NOL10: variants seen among roughly 807,000 people sequenced by gnomAD.
NOL10 encodes the protein nucleolar protein 10.
Under a neutral mutation model 103.5 loss-of-function variants are expected in NOL10, and 58 were observed. That is an observed-to-expected ratio of 0.56 (90% CI 0.45 to 0.70). The LOEUF is 0.70. NOL10 is among the 30% of genes least tolerant of loss of function. The pLI, the probability that NOL10 is intolerant of heterozygous loss-of-function variation, is 0.00. For missense variants in NOL10, 763 were observed against 807.3 expected, an observed-to-expected ratio of 0.95 and a Z score of 0.67; for synonymous variants, 287 against 282.5, an observed-to-expected ratio of 1.02 and a Z score of -0.16.
intron 3 of NOL10, among the ~76,000 whole-genome samples, chr2:10,677,508 T>C (rs1451127667): frequency 6.6e-6 from 1 of 151,188 alleles, no homozygotes; most frequent in Non-Finnish European, 1.5e-5. Context: ...TCTCACTCTG[T>C]CAACCAGGCT....
intron 1 of NOL10, among the ~76,000 whole-genome samples, chr2:10,686,053 C>T (rs1412836220): frequency 2.6e-5 from 4 of 151,312 alleles, no homozygotes; most frequent in Non-Finnish European, 4.4e-5. Context: ...CAGAGTAAAC[C>T]TGTTTCAAAA....
chr2:10,668,951 T>C (rs189524988), intron 6 of NOL10, among the ~76,000 whole-genome samples: 2 of 152,276 alleles, frequency 1.3e-5, no homozygotes, highest in East Asian at 3.9e-4. Flanking sequence ...TTACGTAGAA[T>C]ACTATTTACA....
chr2:10,645,944 T>TACACACACACAC (rs57494359), intron 12 of NOL10, among the ~76,000 whole-genome samples: 317 of 147,678 alleles, frequency 2.1e-3, no homozygotes, highest in African/African-American at 7.3e-3. Flanking sequence ...CACACACACA[T>TACACACACACAC]ACACACACAC....
At chr2:10,586,801 G>T in intron 19 of NOL10, among the ~76,000 whole-genome samples, 1 of 151,482 alleles carries the variant, frequency 6.6e-6, no homozygotes, top group Admixed American at 6.6e-5. Flanking sequence ...CTTTTCTCCA[G>T]CTTATCTTAT....
rs1335240306 is a variant in NOL10 at position 10,689,932 on chromosome 2, C to T, written c.-71G>A. On this transcript the variant is annotated 5_prime_UTR_variant, in exon 1 of 21. Transcript: ENST00000381685. ...GTGCTCGAGCACCGTAATCCCGGGACCTCCGAGCCCCTGCTCCGCGGCGTG... is the reference window on the plus strand; with the variant it reads ...GTGCTCGAGCACCGTAATCCCGGGATCTCCGAGCCCCTGCTCCGCGGCGTG... 12 of 1,414,356 alleles carry T rather than the reference C, an allele frequency of 8.5e-6. No individual in the cohort carries two copies. Among genetic ancestry groups the T allele is most frequent in the South Asian group, 2.5e-5 (2 of 81,068 alleles). 87.6% of individuals were successfully genotyped at this position (1,414,356 alleles called of 1,614,324 possible). A position where few individuals can be genotyped will look rare whatever the true frequency, so the allele number is the denominator to read the frequency against.
intron 6 of NOL10, among the ~76,000 whole-genome samples, chr2:10,669,481 T>TATACAC (rs1229517673): frequency 7.6e-6 from 1 of 132,428 alleles, no homozygotes; most frequent in Non-Finnish European, 1.6e-5. Flanking sequence ...TATATATATA[T>TATACAC]ACACACACAC....
intron 13 of NOL10, among the ~76,000 whole-genome samples, chr2:10,635,164 A>T (rs1678118388): frequency 2.0e-5 from 3 of 152,210 alleles, no homozygotes; most frequent in Admixed American, 2.0e-4. Flanking sequence ...ATACCTTTAA[A>T]CATTTTATAT....
At chr2:10,582,751 C>T (rs10803723) in intron 19 of NOL10, among the ~76,000 whole-genome samples, 90,007 of 152,038 alleles carry the variant, frequency 0.59, 27,666 homozygotes, top group African/African-American at 0.74. Context: ...TACCAGATGC[C>T]ACTTTATCAA....
At chr2:10,606,540 G>A (rs1015050793) in intron 14 of NOL10, among the ~76,000 whole-genome samples, 9 of 150,708 alleles carry the variant, frequency 6.0e-5, no homozygotes, top group East Asian at 1.9e-4. Flanking sequence ...CCTAGGAAGC[G>A]GAGGTTGCAA....
At chr2:10,660,340 A>G (rs1024257983) in intron 9 of NOL10, among the ~76,000 whole-genome samples, 1 of 152,088 alleles carries the variant, frequency 6.6e-6, no homozygotes, top group African/African-American at 2.4e-5. Context: ...TTTTGGAGAC[A>G]GGGTTTCACT....
Position 10,571,813 on chromosome 2 carries a change from A to C in NOL10, c.*258T>G. The C allele has an allele frequency of 2.9e-6, 1 of 344,022 alleles. No individual in the cohort carries two copies. The highest frequency in any genetic ancestry group is 4.9e-5 in the East Asian group (1 of 20,332). The allele number at this position is 344,022 out of a possible 1,614,324, so 21.3% of individuals were successfully genotyped here. A position where few individuals can be genotyped will look rare whatever the true frequency, so the allele number is the denominator to read the frequency against. On this transcript the variant is annotated 3_prime_UTR_variant, in exon 21 of 21. Coordinates refer to ENST00000381685, the MANE Select transcript of NOL10 (RefSeq NM_024894.4). ...AAACCCCAGCCTGGTTTTCATGATT[A>C]ACGCCGTGGGGAAAGGACAATGTTT... is the stretch of plus-strand genomic sequence containing the variant.
chr2:10,631,091 T>C (rs561598635), intron 13 of NOL10, among the ~76,000 whole-genome samples: 2 of 152,298 alleles, frequency 1.3e-5, no homozygotes, highest in African/African-American at 4.8e-5. Flanking sequence ...TAGATGAAAG[T>C]GTGATCTATC....
At chr2:10,638,260 G>C (rs918346332) in intron 13 of NOL10, among the ~76,000 whole-genome samples, 3 of 151,766 alleles carry the variant, frequency 2.0e-5, no homozygotes, top group Admixed American at 2.0e-4. Flanking sequence ...ACTCCAGACA[G>C]GGTGACAGAG....
intron 13 of NOL10, among the ~76,000 whole-genome samples, chr2:10,635,739 T>C (rs2148256436): frequency 6.6e-6 from 1 of 152,330 alleles, no homozygotes; most frequent in African/African-American, 2.4e-5. Flanking sequence ...TTCACCAACA[T>C]ATTCCTGCAG....
At chr2:10,649,677 A>G (rs1679334353) in intron 12 of NOL10, among the ~76,000 whole-genome samples, 1 of 152,108 alleles carries the variant, frequency 6.6e-6, no homozygotes, top group South Asian at 2.1e-4. Context: ...TTATATTAGT[A>G]ATATGGACCA....
At chr2:10,615,989 G>A (rs1397549041) in intron 13 of NOL10, among the ~76,000 whole-genome samples, 1 of 152,058 alleles carries the variant, frequency 6.6e-6, no homozygotes, top group African/African-American at 2.4e-5. Context: ...ATCAAACTGT[G>A]GGACCCTCGC....
chr2:10,611,993 C>T (rs1676596653), intron 13 of NOL10, among the ~76,000 whole-genome samples: 1 of 151,940 alleles, frequency 6.6e-6, no homozygotes, highest in African/African-American at 2.4e-5. Context: ...ATGGCATGTA[C>T]CTGTAGTCCC....
At chr2:10,622,583 C>G (rs537454516) in intron 13 of NOL10, among the ~76,000 whole-genome samples, 4 of 151,998 alleles carry the variant, frequency 2.6e-5, no homozygotes, top group Admixed American at 2.6e-4. Context: ...CACTATCAAA[C>G]TGAAACCTCA....
chr2:10,614,949 C>A (rs912877363), intron 13 of NOL10, among the ~76,000 whole-genome samples: 1 of 152,198 alleles, frequency 6.6e-6, no homozygotes, highest in African/African-American at 2.4e-5. Flanking sequence ...TCCAGCTTTT[C>A]TTCCATTATT....
Sources: gnomAD v4.1 joint callset for allele counts (sites outside exome capture counted in the v4.1 genomes callset) on GRCh38, gnomAD v4.1.1 for gene constraint, MANE v1.5 for transcripts, NCBI Gene and HGNC (gene_info 2026-07-23, HGNC 2026-07-21) for gene names.